TAFA4: variants seen among roughly 807,000 people sequenced by gnomAD.
TAFA4 encodes the protein TAFA chemokine like family member 4.
A neutral mutation model predicts 21.1 loss-of-function variants in TAFA4; 20 were observed. The ratio of observed to expected loss-of-function variants is 0.95; its 90% CI spans 0.67 to 1.38. The LOEUF is 1.38. TAFA4 is among the 40% of genes most tolerant of loss of function. The pLI is 0.00. For synonymous variants in TAFA4, 71 were observed against 67.4 expected (o/e 1.05, Z -0.26); for missense variants, 211 against 180.9 (o/e 1.17, Z -0.95).
At chr3:68,838,341 T>G (rs1325306788) in intron 3 of TAFA4, among the ~76,000 whole-genome samples, 1 of 152,240 alleles carries the variant, frequency 6.6e-6, no homozygotes, top group Non-Finnish European at 1.5e-5. Context: ...TTATTTTTAA[T>G]GTCAAGAATA....
At chr3:68,834,074 C>T (rs915330687) in intron 3 of TAFA4, among the ~76,000 whole-genome samples, 4 of 152,138 alleles carry the variant, frequency 2.6e-5, no homozygotes, top group Non-Finnish European at 5.9e-5. Context: ...GGAGCCCCTC[C>T]GTAAAGTAAG....
intron 3 of TAFA4, among the ~76,000 whole-genome samples, chr3:68,798,641 TG>T (rs1375355826): frequency 6.6e-6 from 1 of 152,182 alleles, no homozygotes; most frequent in Non-Finnish European, 1.5e-5. Flanking sequence ...CATATAAATG[TG>T]TGAATAACAG....
At position 68,918,722 on chromosome 3, in the gene TAFA4, G is replaced by T. The variant is rs535380601; in HGVS notation, c.-123+13518C>A. Among the ~76,000 whole-genome samples the T allele has an allele frequency of 1.6e-3, 243 of 152,100 alleles. 6 individuals are homozygous for T. The South Asian group carries it at 0.026, about 16-fold the overall frequency. On this transcript the variant is annotated intron_variant, in intron 1 of 5. Coordinates refer to ENST00000295569, the MANE Select transcript of TAFA4 (RefSeq NM_182522.5). ...GCCTGCTTAATTTTTGTATTTTTTTGTACAGACATGGTTTCACCATGTTGC... is the reference window on the plus strand; with the variant it reads ...GCCTGCTTAATTTTTGTATTTTTTTTTACAGACATGGTTTCACCATGTTGC...
intron 1 of TAFA4, among the ~76,000 whole-genome samples, chr3:68,912,564 G>T (rs1050199615): frequency 6.6e-6 from 1 of 152,208 alleles, no homozygotes; most frequent in Non-Finnish European, 1.5e-5. Flanking sequence ...CCAGATGAGC[G>T]AGCGAGCGGC....
intron 3 of TAFA4, among the ~76,000 whole-genome samples, chr3:68,769,464 C>A (rs2106780106): frequency 6.6e-6 from 1 of 152,296 alleles, no homozygotes; most frequent in African/African-American, 2.4e-5. Flanking sequence ...TTGATTAAAC[C>A]AGTCCCTGGT....
chr3:68,759,589 A>C (rs191287852), intron 3 of TAFA4, among the ~76,000 whole-genome samples: 2 of 152,320 alleles, frequency 1.3e-5, no homozygotes, highest in East Asian at 3.9e-4. Context: ...TTTTCCTCTA[A>C]AACAGCAGGG....
intron 1 of TAFA4, among the ~76,000 whole-genome samples, chr3:68,930,376 C>T (rs1441492533): frequency 2.0e-5 from 3 of 152,162 alleles, no homozygotes; most frequent in African/African-American, 7.2e-5. Flanking sequence ...AAATTGGCAG[C>T]CACTGCTTTT....
chr3:68,800,129 TTACAACATAA>T (rs1041893703), intron 3 of TAFA4, among the ~76,000 whole-genome samples: 3 of 152,148 alleles, frequency 2.0e-5, no homozygotes, highest in African/African-American at 7.2e-5. Context: ...TCATTATATA[TTACAACATAA>T]TAACAGAAAT....
intron 3 of TAFA4, among the ~76,000 whole-genome samples, chr3:68,873,329 C>T (rs1401248610): frequency 4.7e-5 from 6 of 127,060 alleles, no homozygotes; most frequent in South Asian, 5.8e-4. Context: ...GACAGACACA[C>T]GCAGACATAC....
chr3:68,736,751 A>G (rs903304808), intron 5 of TAFA4, among the ~76,000 whole-genome samples: 43 of 152,062 alleles, frequency 2.8e-4, no homozygotes, highest in African/African-American at 9.9e-4. Context: ...AAATGAATTT[A>G]CTCTATGTGC....
At chr3:68,804,191 A>G (rs1022698757) in intron 3 of TAFA4, among the ~76,000 whole-genome samples, 3 of 152,158 alleles carry the variant, frequency 2.0e-5, no homozygotes, top group Admixed American at 6.5e-5. Context: ...GGAAAACATA[A>G]AAGTAAATCA....
chr3:68,908,343 G>C (rs9824979), intron 1 of TAFA4, among the ~76,000 whole-genome samples: 99,806 of 151,902 alleles, frequency 0.66, 33,519 homozygotes, highest in Middle Eastern at 0.78. Flanking sequence ...AACAGCTCTA[G>C]GGCTTTGTTA....
At chr3:68,893,349 C>T (rs573705357) in intron 1 of TAFA4, among the ~76,000 whole-genome samples, 13 of 152,268 alleles carry the variant, frequency 8.5e-5, no homozygotes, top group African/African-American at 2.9e-4. Context: ...AGTCTATTTA[C>T]TTATAACCAG....
intron 3 of TAFA4, among the ~76,000 whole-genome samples, chr3:68,836,035 C>T (rs1280616591): frequency 6.6e-6 from 1 of 152,134 alleles, no homozygotes; most frequent in African/African-American, 2.4e-5. Context: ...AGAAACCTAC[C>T]CCAGCTAGAT....
chr3:68,916,530 T>A (rs542165332), intron 1 of TAFA4, among the ~76,000 whole-genome samples: 20 of 152,338 alleles, frequency 1.3e-4, no homozygotes, highest in African/African-American at 4.1e-4. Context: ...GATTATTACC[T>A]CATTAAAACT....
chr3:68,884,195 C>G (rs570419557), intron 2 of TAFA4, among the ~76,000 whole-genome samples: 112 of 152,348 alleles, frequency 7.4e-4, no homozygotes, highest in African/African-American at 2.5e-3. Context: ...CTCCCGCTTC[C>G]CCTATATTGA....
At chr3:68,887,674 C>T (rs1224819101) in intron 1 of TAFA4, among the ~76,000 whole-genome samples, 7 of 152,234 alleles carry the variant, frequency 4.6e-5, no homozygotes, top group East Asian at 3.9e-4. Flanking sequence ...CCCTCTGAAG[C>T]TCTGGCACTA....
intron 3 of TAFA4, among the ~76,000 whole-genome samples, chr3:68,837,266 T>C (rs1329564553): frequency 6.6e-6 from 1 of 152,236 alleles, no homozygotes; most frequent in Non-Finnish European, 1.5e-5. Context: ...CCAGCTGGCC[T>C]GTTGGAACTG....
intron 3 of TAFA4, among the ~76,000 whole-genome samples, chr3:68,829,988 G>C (rs1467726024): frequency 6.6e-6 from 1 of 152,150 alleles, no homozygotes; most frequent in Admixed American, 6.5e-5. Context: ...GGTGTTTATA[G>C]TATTCTCTGA....
Sources: gnomAD v4.1 joint callset for allele counts (sites outside exome capture counted in the v4.1 genomes callset) on GRCh38, gnomAD v4.1.1 for gene constraint, MANE v1.5 for transcripts, NCBI Gene and HGNC (gene_info 2026-07-23, HGNC 2026-07-21) for gene names.